The following KAT5 variants were observed in gnomAD, a reference collection of about 807,000 sequenced individuals.
KAT5 encodes histone acetyltransferase KAT5.
A neutral mutation model predicts 68.1 loss-of-function variants in KAT5; 31 were observed. The ratio of observed to expected loss-of-function variants is 0.46; its 90% CI spans 0.34 to 0.61. The LOEUF (loss-of-function observed/expected upper bound fraction) is 0.61. Among genes scored for constraint, KAT5 ranks in the 20% least tolerant of loss-of-function variants. KAT5 has a pLI of 0.01. For synonymous variants in KAT5, 365 were observed against 292.6 expected (o/e 1.25, Z -2.52); for missense variants, 451 against 725.5 (o/e 0.62, Z 4.35).
At chr11:65,714,321 T>C (rs1857126836) in intron 6 of KAT5, 174 bp from the exon 7 acceptor site, 8 of 721,520 alleles carry the variant, frequency 1.1e-5, no homozygotes, top group Non-Finnish European at 1.8e-5. Context: ...GGTGATCTTT[T>C]CCACATCATC....
In KAT5 at chr11:65,714,757, A is replaced by T. The variant is rs1444078325; in HGVS notation, c.939+14A>T. 2.5e-6 allele frequency: 4 copies of T among 1,614,072 alleles called. No individual in the cohort carries two copies. In the Admixed American group the frequency reaches 6.7e-5, roughly 27 times the overall value. ...CAGCGTCATTTGGTATGAGGGGTCC[A>T]GGGAGGCTGCCTTCCCAGCACCCTC... On this transcript the variant is annotated intron_variant, in intron 7 of 12. Coordinates refer to ENST00000341318, the MANE Select transcript of KAT5 (RefSeq NM_182710.3).
At chr11:65,712,552 C>A in intron 1 of KAT5, 107 bp downstream of exon 1, 2 of 1,375,874 alleles carry the variant, frequency 1.5e-6, no homozygotes, top group Non-Finnish European at 2.0e-6. Flanking sequence ...GCGGGCGAGG[C>A]GCAGATACTT....
At position 65,713,432 on chromosome 11, in the gene KAT5, G is replaced by A; in HGVS notation, c.469G>A (p.Ala157Thr). Residue 157 changes from alanine (A) to threonine (T), a missense_variant, in exon 4 of 13, where the codon GCC becomes ACC. Ala to Thr is a moderately conservative substitution (Grantham distance 58). Around this residue, in one of 4 missense-constraint regions of KAT5, gnomAD observed 135 missense variants for 173.4 expected, o/e 0.78. Transcript: ENST00000341318. ...CTTCAACCTGCCCAAGGAGCGGGAG[G>A]CCATTCCCGGTGGCGAGCCTGACCA... The part of the protein sequence containing the change: ...LRFNLPKERE[A>T]IPGGEPDQPL... The A allele has an allele frequency of 1.2e-6, 2 of 1,614,080 alleles. No homozygotes were observed. Among genetic ancestry groups the A allele is most frequent in the Non-Finnish European group, 1.7e-6 (2 of 1,180,014 alleles).
At position 65,719,239 on chromosome 11, in the gene KAT5, C is replaced by T; in HGVS notation, c.*58C>T. On this transcript the variant is annotated 3_prime_UTR_variant, in exon 13 of 13. Coordinates refer to ENST00000341318, the MANE Select transcript of KAT5 (RefSeq NM_182710.3). The stretch of plus-strand genomic sequence containing the variant: ...AGCAGGACTGGGGCTGATAGCCCAC[C>T]CCGCCCCCACTGCAGCTCCCACAAA... 1 of 1,579,406 alleles carries T rather than the reference C, an allele frequency of 6.3e-7. No homozygotes were observed. The highest frequency in any genetic ancestry group is 8.6e-7 in the Non-Finnish European group (1 of 1,159,390).
At chr11:65,714,968 C>T in intron 8 of KAT5, 58 bp downstream of exon 8, 1 of 1,455,526 alleles carries the variant, frequency 6.9e-7, no homozygotes, top group Non-Finnish European at 9.6e-7. Context: ...CTTCTTCTTG[C>T]TCAGGTAAAC....
Position 65,718,760 on chromosome 11 carries a change from C to T in KAT5, c.1424+11C>T, listed in dbSNP as rs375354165. 74 of 1,613,984 alleles carry T rather than the reference C, an allele frequency of 4.6e-5. No individual in the cohort carries two copies. The highest frequency in any genetic ancestry group is 2.5e-4 in the Admixed American group (15 of 59,992). The stretch of plus-strand genomic sequence containing the variant: ...ACAGATCACCATCAAGTGAGCCTGG[C>T]GCTGTCTACCTGGGGGTACATGGCA... On this transcript the variant is annotated intron_variant, in intron 11 of 12. Transcript: ENST00000341318.
In KAT5 at chr11:65,718,710, TGAAGTCG is replaced by T; in HGVS notation, c.1388_1394del (p.Lys463ArgfsTer99). 1 of 1,614,150 alleles carries T rather than the reference TGAAGTCG, an allele frequency of 6.2e-7. No homozygotes were observed. Among genetic ancestry groups the T allele is most frequent in the South Asian group, 1.1e-5 (1 of 91,070 alleles). The stretch of plus-strand genomic sequence containing the variant: ...ACCATCCTGGAGATCCTGATGGGGC[TGAAGTCG>T]GAGAGCGGGGAGAGGCCACAGATCA... On this transcript the variant is annotated frameshift_variant, in exon 11 of 13. Transcript: ENST00000341318. LOFTEE classifies it high-confidence loss of function.
At chr11:65,717,318 G>GATAC (rs2084034790) in intron 10 of KAT5, 2 of 424,134 alleles carry the variant, frequency 4.7e-6, no homozygotes, top group Non-Finnish European at 8.8e-6. Context: ...CGTGTGCCAT[G>GATAC]ATACGAGTAC....
intron 5 of KAT5, 42 bp from the exon 6 acceptor site, chr11:65,713,732 C>G: frequency 1.2e-6 from 2 of 1,613,462 alleles, no homozygotes; most frequent in South Asian, 2.2e-5. Context: ...TTTTTTCAGG[C>G]TCATTTCACA....
chr11:65,712,133 C>A, upstream of KAT5: 3 of 840,746 alleles, frequency 3.6e-6, no homozygotes, highest in Non-Finnish European at 5.1e-6. Flanking sequence ...GCAGTCTTGC[C>A]CCTCGCAGCT....
chr11:65,718,991 G>A, intron 12 of KAT5, 37 bp downstream of exon 12: 2 of 1,614,028 alleles, frequency 1.2e-6, no homozygotes, highest in Non-Finnish European at 1.7e-6. Context: ...TGTGTGGGAT[G>A]CAGAGTGCAG....
chr11:65,714,357 A>G lies in KAT5; in HGVS notation c.691-138A>G, dbSNP rs959054345. 1.0e-5 allele frequency: 10 copies of G among 978,380 alleles called. 1 individual carries two copies. In the South Asian group the frequency reaches 1.5e-4, roughly 14 times the overall value. 60.6% of individuals were successfully genotyped at this position (978,380 alleles called of 1,614,324 possible). On this transcript the variant is annotated intron_variant, in intron 6 of 12. Transcript: ENST00000341318. ...GATCCTTTAGGGTTTCAGGTTTTTT[A>G]TCTGGAAATTGGGGATCATGGTACC...
intron 1 of KAT5, 34 bp from the exon 2 acceptor site, chr11:65,712,732 C>T (rs1170963164): frequency 6.2e-7 from 1 of 1,611,708 alleles, no homozygotes; most frequent in East Asian, 2.2e-5. Flanking sequence ...ATAGCCTGGC[C>T]TGTCTAAGGC....
In KAT5 at chr11:65,713,683, C is replaced by T; in HGVS notation, c.615+16C>T. On this transcript the variant is annotated intron_variant, in intron 5 of 12. Transcript: ENST00000341318. ...TTTTCCCCAGGTGAGTTCCCCAAAC[C>T]ATCTCTTGTTCTCTTCCTCTCTTCT... The T allele has an allele frequency of 1.2e-6, 2 of 1,614,094 alleles. No homozygotes were observed. Among genetic ancestry groups the T allele is most frequent in the South Asian group, 1.1e-5 (1 of 91,080 alleles).
intron 12 of KAT5, 32 bp downstream of exon 12, chr11:65,718,986 G>C: frequency 6.2e-7 from 1 of 1,614,022 alleles, no homozygotes; most frequent in Non-Finnish European, 8.5e-7. Context: ...ACAGGTGTGT[G>C]GGATGCAGAG....
rs368421147 is a variant in KAT5, at chr11:65,714,512, T to C, written c.708T>C (p.Ser236=). 5.2e-5 allele frequency: 84 copies of C among 1,614,002 alleles called. No homozygotes were observed. Among genetic ancestry groups the C allele is most frequent in the Middle Eastern group, 3.3e-4 (2 of 6,080 alleles). The change falls in exon 7 of 13, where the codon TCT becomes TCC. Residue 236 remains serine, a synonymous_variant. Coordinates refer to ENST00000341318, the MANE Select transcript of KAT5 (RefSeq NM_182710.3). ...CTGGGCAGGACTCCCAGGACAGCTCTGATGGAATACCGTCAGCACCACGCA... is the reference window on the plus strand; with the variant it reads ...CTGGGCAGGACTCCCAGGACAGCTCCGATGGAATACCGTCAGCACCACGCA... ...LGTDEDSQDS[S]DGIPSAPRMT... is the part of the protein sequence containing the mutation.
In KAT5 at chr11:65,713,601, G is replaced by A. The variant is rs943230519; in HGVS notation, c.549G>A (p.Lys183=). 2 of 1,614,042 alleles carry A rather than the reference G, an allele frequency of 1.2e-6. No homozygotes were observed. Among genetic ancestry groups the A allele is most frequent in the African/African-American group, 2.7e-5 (2 of 74,908 alleles). Residue 183 remains lysine (K), a synonymous_variant, in exon 5 of 13, where the codon AAG becomes AAA. Coordinates refer to ENST00000341318, the MANE Select transcript of KAT5 (RefSeq NM_182710.3). ...TTGGTTTCTCTCTGCAGAAACGGAA[G>A]GTGGAGGTGGTTTCACCAGCAACTC... ...LQPNHRSTKR[K]VEVVSPATPV...
At position 65,712,321 on chromosome 11, in the gene KAT5, G is replaced by A. The variant is rs754148106; in HGVS notation, c.54G>A (p.Glu18=). 3.3e-6 allele frequency: 5 copies of A among 1,496,134 alleles called. No homozygotes were observed. The highest frequency in any genetic ancestry group is 2.7e-5 in the South Asian group (2 of 74,348). 92.7% of individuals were successfully genotyped at this position (1,496,134 alleles called of 1,614,324 possible). ...VPGAGRREPG[E]VGRARGPPVA... is the part of the protein sequence containing the mutation. ...GGGCGGGGCGGAGGGAGCCAGGGGAGGTGGGTAGAGCCCGAGGCCCCCCAG... is the reference window on the plus strand; with the variant it reads ...GGGCGGGGCGGAGGGAGCCAGGGGAAGTGGGTAGAGCCCGAGGCCCCCCAG... The change falls in exon 1 of 13, where the codon GAG becomes GAA. Residue 18 remains glutamate (E), a synonymous_variant. Transcript: ENST00000341318.
At chr11:65,713,257 T>G in intron 3 of KAT5, 91 bp from the exon 4 acceptor site, 2 of 1,410,400 alleles carry the variant, frequency 1.4e-6, no homozygotes, top group South Asian at 2.5e-5. Context: ...AGGGTGGGGT[T>G]TGATAATTTT....
Sources: allele counts gnomAD v4.1 joint callset, GRCh38; gene constraint gnomAD v4.1.1; regional missense constraint gnomAD v4.1.1; transcripts MANE v1.5; gene names NCBI Gene and HGNC (gene_info 2026-07-23, HGNC 2026-07-21).